The following HEATR3 variants were observed in gnomAD, a reference collection of about 807,000 sequenced individuals.
The protein encoded by HEATR3 is HEAT repeat containing 3, also known as HEAT repeat-containing protein 3.
In HEATR3, 56 loss-of-function variants were observed where a neutral mutation model predicts 72.8. The ratio of observed to expected loss-of-function variants is 0.77; its 90% CI spans 0.62 to 0.96. The LOEUF (loss-of-function observed/expected upper bound fraction) is 0.96. HEATR3 is among the 40% of genes least tolerant of loss of function. The pLI, the probability that HEATR3 is intolerant of heterozygous loss-of-function variation, is 0.00. For synonymous variants in HEATR3, 331 were observed against 318.1 expected (o/e 1.04, Z -0.43); for missense variants, 747 against 831.4 (o/e 0.90, Z 1.25).
chr16:50,095,060 C>T (rs1478685767), intron 12 of HEATR3, among the ~76,000 whole-genome samples: 1 of 151,808 alleles, frequency 6.6e-6, no homozygotes, highest in Non-Finnish European at 1.5e-5. Context: ...TTAATCAATA[C>T]AACTTAATTG....
At chr16:50,100,697 T>G (rs1429078146) in intron 13 of HEATR3, 4 of 304,850 alleles carry the variant, frequency 1.3e-5, no homozygotes, top group South Asian at 3.4e-5. Context: ...GCATCCAATG[T>G]ATGCATGTTA....
In HEATR3 at chr16:50,066,433, C is replaced by CG; in HGVS notation, c.207dup (p.Pro70AlafsTer44). 6.9e-7 allele frequency: 1 copy of CG among 1,458,776 alleles called. No homozygotes were observed. Among genetic ancestry groups the CG allele is most frequent in the Non-Finnish European group, 8.9e-7 (1 of 1,118,062 alleles). 90.4% of individuals were successfully genotyped at this position (1,458,776 alleles called of 1,614,324 possible). A position where few individuals can be genotyped will look rare whatever the true frequency, so the allele number is the denominator to read the frequency against. On this transcript the variant is annotated frameshift_variant, in exon 2 of 15. Transcript: ENST00000299192. LOFTEE classifies it high-confidence loss of function. ...AGGGCTGGCCCGGCTGGTGCAGCAG[C>CG]GGCCGGCACTCCCGGGCCTGGCGCG...
intron 14 of HEATR3, among the ~76,000 whole-genome samples, 185 bp from the exon 15 acceptor site, chr16:50,104,754 G>A (rs758443097): frequency 6.6e-6 from 1 of 152,148 alleles, no homozygotes; most frequent in Admixed American, 6.5e-5. Flanking sequence ...TTTTAATAAT[G>A]CACATTCTCA....
At chr16:50,079,885 T>C (rs980741800) in intron 7 of HEATR3, 2 of 152,228 alleles carry the variant, frequency 1.3e-5, no homozygotes, top group Non-Finnish European at 2.9e-5. Flanking sequence ...GCCGTGGCCA[T>C]GCACAGATTT....
rs533003545 is a variant in HEATR3, at chr16:50,091,007, T to C, written c.1511-3698T>C. On this transcript the variant is annotated intron_variant, in intron 11 of 14. Coordinates refer to ENST00000299192, the MANE Select transcript of HEATR3 (RefSeq NM_182922.4). ...TAAAAATACGAAAATTAGCTTGGCA[T>C]GGTGGTGTGTGCCTGTAGTCCAGCT... Among the ~76,000 whole-genome samples the C allele has an allele frequency of 1.5e-4, 23 of 151,966 alleles. No homozygotes were observed. In the South Asian group the frequency reaches 4.6e-3, roughly 30 times the overall value.
rs1597131533 is a variant in HEATR3 at position 50,065,989 on chromosome 16, T to C, written c.-143T>C. On this transcript the variant is annotated 5_prime_UTR_variant, in exon 1 of 15. Coordinates refer to ENST00000299192, the MANE Select transcript of HEATR3 (RefSeq NM_182922.4). ...CCCGGCAGACGACGCGCCGTGCGCCTGCGCACGGCTTGCCCATGTGTGCTG... is the reference window on the plus strand; with the variant it reads ...CCCGGCAGACGACGCGCCGTGCGCCCGCGCACGGCTTGCCCATGTGTGCTG... 3.5e-6 allele frequency: 1 copy of C among 284,804 alleles called. No individual in the cohort carries two copies. The highest frequency in any genetic ancestry group is 5.2e-6 in the Non-Finnish European group (1 of 192,800). The allele number at this position is 284,804 out of a possible 1,614,324, so 17.6% of individuals were successfully genotyped here.
At chr16:50,101,106 CT>C (rs5816674) in intron 13 of HEATR3, among the ~76,000 whole-genome samples, 9 of 144,366 alleles carry the variant, frequency 6.2e-5, no homozygotes, top group African/African-American at 7.6e-5. Context: ...ACTTGCAAAG[CT>C]TTTTTTTTTT....
chr16:50,091,471 A>T (rs537520757), intron 11 of HEATR3, among the ~76,000 whole-genome samples: 30 of 151,840 alleles, frequency 2.0e-4, no homozygotes, highest in African/African-American at 2.4e-4. Flanking sequence ...CGTCTAAAAA[A>T]CATAATAATA....
At chr16:50,069,124 A>G (rs1049484463) in intron 3 of HEATR3, 2 of 294,284 alleles carry the variant, frequency 6.8e-6, no homozygotes, top group Non-Finnish European at 1.3e-5. Context: ...TTCTTACAAT[A>G]AAAATAATTA....
intron 6 of HEATR3, among the ~76,000 whole-genome samples, chr16:50,076,367 T>G (rs2036727919): frequency 6.6e-6 from 1 of 151,950 alleles, no homozygotes; most frequent in Non-Finnish European, 1.5e-5. Context: ...TCTGTATTTT[T>G]GGTAGAGACG....
intron 2 of HEATR3, among the ~76,000 whole-genome samples, chr16:50,067,402 C>T (rs1299411888): frequency 2.6e-5 from 4 of 151,266 alleles, no homozygotes; most frequent in African/African-American, 9.7e-5. Context: ...AGGAGATGTG[C>T]AGGGTGAGAG....
At chr16:50,095,104 G>A (rs2037204031) in intron 12 of HEATR3, among the ~76,000 whole-genome samples, 1 of 151,394 alleles carries the variant, frequency 6.6e-6, no homozygotes, top group African/African-American at 2.4e-5. Context: ...TCTATCATTG[G>A]TCTTTTTTTT....
chr16:50,066,346 C>A (rs2036492147), intron 1 of HEATR3, 21 bp from the exon 2 acceptor site: 2 of 1,556,056 alleles, frequency 1.3e-6, no homozygotes, highest in African/African-American at 1.4e-5. Context: ...GCCTTCTGAC[C>A]CTTTTCGCTC....
intron 11 of HEATR3, among the ~76,000 whole-genome samples, chr16:50,092,436 C>CTTTTCTT (rs572496063): frequency 3.8e-5 from 4 of 106,030 alleles, no homozygotes; most frequent in African/African-American, 1.5e-4. Context: ...TTTCTTTTTT[C>CTTTTCTT]TTTTTTTTTT....
At position 50,066,363 on chromosome 16, in the gene HEATR3, G is replaced by A; in HGVS notation, c.139-4G>A. 2 of 1,551,296 alleles carry A rather than the reference G, an allele frequency of 1.3e-6. No individual in the cohort carries two copies. The highest frequency in any genetic ancestry group is 8.6e-7 in the Non-Finnish European group (1 of 1,159,542). On this transcript the variant is annotated splice_polypyrimidine_tract_variant and splice_region_variant and intron_variant, in intron 1 of 14. Transcript: ENST00000299192. ...CTTCTGACCCTTTTCGCTCTCATCC[G>A]CAGCTCCAGCACCCGAGCGCCGAGG...
intron 7 of HEATR3, among the ~76,000 whole-genome samples, chr16:50,082,670 C>T (rs950226182): frequency 7.0e-6 from 1 of 143,602 alleles, no homozygotes; most frequent in African/African-American, 2.6e-5. Flanking sequence ...CCTGTAATCT[C>T]AACACTTTTG....
Position 50,066,558 on chromosome 16 carries a change from G to T in HEATR3, c.311+19G>T. 3.9e-6 allele frequency: 5 copies of T among 1,282,478 alleles called. No individual in the cohort carries two copies. The highest frequency in any genetic ancestry group is 4.9e-6 in the Non-Finnish European group (5 of 1,018,136). The allele number at this position is 1,282,478 out of a possible 1,614,324, so 79.4% of individuals were successfully genotyped here. Reference sequence around the variant, plus strand: ...CGCTGAGGTGAGCCAGGAAGGGTGCGGGGCGGTGCCCACCGCTGGCCTCCC... The same window carrying T: ...CGCTGAGGTGAGCCAGGAAGGGTGCTGGGCGGTGCCCACCGCTGGCCTCCC... On this transcript the variant is annotated intron_variant, in intron 2 of 14. Transcript: ENST00000299192.
Position 50,084,196 on chromosome 16 carries a change from A to C in HEATR3, c.1195A>C (p.Asn399His), listed in dbSNP as rs1023522060. ...SSDESDAFME[N>H]SFSECGGQLF... ...TGATGAAAGTGACGCATTTATGGAG[A>C]ATTCCTTCAGTGAGTGCGGGGGACA... Residue 399 changes from asparagine (N) to histidine (H), a missense_variant, in exon 9 of 15, where the codon AAT (asparagine) becomes CAT (histidine). By Grantham distance (68) the Asn-to-His change is moderately conservative (BLOSUM62 1). Coordinates refer to ENST00000299192, the MANE Select transcript of HEATR3 (RefSeq NM_182922.4). The C allele has an allele frequency of 6.2e-7, 1 of 1,614,016 alleles. No individual in the cohort carries two copies. The highest frequency in any genetic ancestry group is 1.3e-5 in the African/African-American group (1 of 74,896).
intron 11 of HEATR3, among the ~76,000 whole-genome samples, chr16:50,091,646 G>A (rs745466921): frequency 2.7e-4 from 41 of 152,046 alleles, no homozygotes; most frequent in Middle Eastern, 6.8e-3. Flanking sequence ...GGGCCGAGGC[G>A]GGCAGATCAT....
Sources: allele counts gnomAD v4.1 joint callset (sites outside exome capture counted in the v4.1 genomes callset), GRCh38; gene constraint gnomAD v4.1.1; transcripts MANE v1.5; gene names NCBI Gene and HGNC (gene_info 2026-07-23, HGNC 2026-07-21).